Variants in ANGPTL6 observed in about 807,000 individuals in gnomAD.
ANGPTL6 encodes the protein angiopoietin-related protein 6.
Under a neutral mutation model 47.4 loss-of-function variants are expected in ANGPTL6, and 45 were observed. The observed-to-expected ratio is 0.95, with a 90% CI of 0.75 to 1.22. ANGPTL6 has a LOEUF of 1.22. Among genes scored for constraint, ANGPTL6 ranks in the 50% most tolerant of loss-of-function variants. ANGPTL6 has a pLI of 0.00. For synonymous variants in ANGPTL6, 290 were observed against 295.9 expected (o/e 0.98, Z 0.20); for missense variants, 698 against 669.4 (o/e 1.04, Z -0.47).
upstream of ANGPTL6, chr19:10,102,803 G>A: frequency 1.0e-6 from 1 of 979,866 alleles, no homozygotes; most frequent in Non-Finnish European, 1.2e-6. Flanking sequence ...TGAGAAATGA[G>A]ACAGAATTGC....
upstream of ANGPTL6, among the ~76,000 whole-genome samples, chr19:10,103,661 TTAAAA>T (rs1287565680): frequency 1.3e-5 from 2 of 149,788 alleles, no homozygotes; most frequent in African/African-American, 4.9e-5. Context: ...AATTAATTAA[TTAAAA>T]TAAAAAATAA....
chr19:10,097,020 G>A (rs535246975), intron 1 of ANGPTL6, among the ~76,000 whole-genome samples: 4 of 151,712 alleles, frequency 2.6e-5, no homozygotes, highest in Non-Finnish European at 4.4e-5. Flanking sequence ...GATCACTTGA[G>A]CCCAGGAGTT....
Position 10,096,095 on chromosome 19 carries a change from A to T in ANGPTL6, c.469T>A (p.Phe157Ile). 4.7e-6 allele frequency: 7 copies of T among 1,491,728 alleles called. No individual in the cohort carries two copies. The highest frequency in any genetic ancestry group is 6.2e-6 in the Non-Finnish European group (7 of 1,123,132). 92.4% of individuals were successfully genotyped at this position (1,491,728 alleles called of 1,614,324 possible). ...CGGAACTTGACGTCCAGCTGGTGGA[A>T]CCGGGCGGCTGCGCGCTGAGCCTCG... The part of the protein sequence containing the change: ...SAEAQRAAAR[F>I]HQLDVKFREL... The change falls in exon 2 of 6, where the codon TTC (phenylalanine) becomes ATC (isoleucine). Residue 157 changes from phenylalanine (F) to isoleucine (I), a missense_variant. Coordinates refer to ENST00000253109, the MANE Select transcript of ANGPTL6 (RefSeq NM_031917.3).
upstream of ANGPTL6, chr19:10,102,886 A>G (rs2088717766): frequency 1.6e-6 from 1 of 606,950 alleles, no homozygotes. Flanking sequence ...CCTTTCCCCC[A>G]CACCCTCCAC....
At chr19:10,095,304 CG>C (rs1211238975) in intron 2 of ANGPTL6, among the ~76,000 whole-genome samples, 2 of 152,106 alleles carry the variant, frequency 1.3e-5, no homozygotes, top group African/African-American at 4.8e-5. Context: ...GCCAGCTACT[CG>C]GAAGGTTGAG....
chr19:10,104,672 A>C (rs565515850), upstream of ANGPTL6, among the ~76,000 whole-genome samples: 94 of 152,288 alleles, frequency 6.2e-4, no homozygotes, highest in Non-Finnish European at 8.8e-4. Context: ...ATTAAAAAAA[A>C]TTTTTAAAAA....
intron 1 of ANGPTL6, among the ~76,000 whole-genome samples, chr19:10,099,241 C>T (rs535428859): frequency 5.9e-5 from 9 of 152,198 alleles, no homozygotes; most frequent in South Asian, 4.1e-4. Flanking sequence ...TCCTTCTTGG[C>T]TCCCACCTCC....
chr19:10,096,068 C>T lies in ANGPTL6; in HGVS notation c.496G>A (p.Glu166Lys), dbSNP rs1175405900. The T allele has an allele frequency of 6.7e-7, 1 of 1,482,192 alleles. No individual in the cohort carries two copies. Among genetic ancestry groups the T allele is most frequent in the Non-Finnish European group, 9.0e-7 (1 of 1,116,640 alleles). 91.8% of individuals were successfully genotyped at this position (1,482,192 alleles called of 1,614,324 possible). Residue 166 changes from glutamate (E) to lysine (K), a missense_variant, in exon 2 of 6, where the codon GAG becomes AAG. Coordinates refer to ENST00000253109, the MANE Select transcript of ANGPTL6 (RefSeq NM_031917.3). ...TGCTGGGTGACGAGCTGCGCCAGCT[C>T]GCGGAACTTGACGTCCAGCTGGTGG... is the stretch of plus-strand genomic sequence containing the variant. Reference protein sequence around the residue: ...RFHQLDVKFRELAQLVTQQSS... With the variant: ...RFHQLDVKFRKLAQLVTQQSS...
chr19:10,105,281 T>A (rs372356922), upstream of ANGPTL6, among the ~76,000 whole-genome samples: 49 of 152,200 alleles, frequency 3.2e-4, no homozygotes, highest in East Asian at 6.8e-3. Context: ...GGCTTCCCCA[T>A]TGGCAGTAGA....
chr19:10,105,938 C>A (rs2088809056), upstream of ANGPTL6, among the ~76,000 whole-genome samples: 1 of 152,196 alleles, frequency 6.6e-6, no homozygotes, highest in Non-Finnish European at 1.5e-5. Flanking sequence ...AGAGGAGTTG[C>A]GAGACTAAAG....
upstream of ANGPTL6, among the ~76,000 whole-genome samples, chr19:10,104,442 G>A (rs2088768678): frequency 6.6e-6 from 1 of 151,582 alleles, no homozygotes; most frequent in Admixed American, 6.6e-5. Flanking sequence ...GCTTGTTATA[G>A]AATTCAGGCA....
chr19:10,092,693 G>A lies in ANGPTL6; in HGVS notation c.1309C>T (p.His437Tyr). 1.9e-6 allele frequency: 3 copies of A among 1,614,042 alleles called. No homozygotes were observed. The highest frequency in any genetic ancestry group is 2.2e-5 in the East Asian group (1 of 44,874). ...CCATCCTGGTAGCGGCTTCGGTAGT[G>A]GCCGCCGTGGTGCCACACACCGTTG... Reference protein sequence around the residue: ...NLNGVWHHGGHYRSRYQDGVY... With the variant: ...NLNGVWHHGGYYRSRYQDGVY... The change falls in exon 6 of 6, where the codon CAC becomes TAC. Residue 437 changes from histidine (H) to tyrosine (Y), a missense_variant. Coordinates refer to ENST00000253109, the MANE Select transcript of ANGPTL6 (RefSeq NM_031917.3).
At chr19:10,103,605 AAATAAATAAATAAATAAAT>A (rs909731569), upstream of ANGPTL6, among the ~76,000 whole-genome samples, 41 of 33,306 alleles carry the variant, frequency 1.2e-3, no homozygotes, top group African/African-American at 0.015. Flanking sequence ...AAAAATAAAT[AAATAAATAAATAAATAAAT>A]AATAAATAAA....
At chr19:10,092,969 T>A in intron 5 of ANGPTL6, 190 bp from the exon 6 acceptor site, 1 of 525,932 alleles carries the variant, frequency 1.9e-6, no homozygotes, top group Non-Finnish European at 3.3e-6. Flanking sequence ...GTAATAGCCT[T>A]AATTCCTTCC....
At position 10,093,461 on chromosome 19, in the gene ANGPTL6, G is replaced by A. The variant is rs761235613; in HGVS notation, c.1110C>T (p.Ser370=). ...HYDGFSLEPE[S]DHYRLRLGQY... ...GGCCAAGCCGCAGGCGGTAGTGGTC[G>A]CTCTCGGGTTCCAGGGAGAAGCCAT... Residue 370 remains serine, a synonymous_variant, in exon 5 of 6, where the codon AGC becomes AGT. Transcript: ENST00000253109. 1.9e-5 allele frequency: 31 copies of A among 1,614,190 alleles called. No individual in the cohort carries two copies. The highest frequency in any genetic ancestry group is 7.7e-5 in the South Asian group (7 of 91,084).
At position 10,093,352 on chromosome 19, in the gene ANGPTL6, A is replaced by G; in HGVS notation, c.1219T>C (p.Ser407Pro). The change falls in exon 5 of 6, where the codon TCT becomes CCT. Residue 407 changes from serine to proline, a missense_variant. Coordinates refer to ENST00000253109, the MANE Select transcript of ANGPTL6 (RefSeq NM_031917.3). ...CCAGAATAGGAGTTCTCCTTACCAG[A>G]ATAGGAGTCTCGGTCCCTATCCACG... Reference protein sequence around the residue: ...STVDRDRDSYSGNCALYQRGG... With the variant: ...STVDRDRDSYPGNCALYQRGG... 4 of 1,612,720 alleles carry G rather than the reference A, an allele frequency of 2.5e-6. No individual in the cohort carries two copies. The highest frequency in any genetic ancestry group is 3.4e-6 in the Non-Finnish European group (4 of 1,178,888).
chr19:10,104,317 G>GGTGTGTGTGTGTGTGTGT (rs1555757453), upstream of ANGPTL6, among the ~76,000 whole-genome samples: 1 of 117,966 alleles, frequency 8.5e-6, no homozygotes, highest in Non-Finnish European at 1.8e-5. Context: ...TTGTGTGTGT[G>GGTGTGTGTGTGTGTGTGT]GTGTGTGTGT....
intron 1 of ANGPTL6, among the ~76,000 whole-genome samples, chr19:10,101,387 T>C (rs538626146): frequency 6.6e-6 from 1 of 151,380 alleles, no homozygotes; most frequent in Non-Finnish European, 1.5e-5. Flanking sequence ...CTACTAAATA[T>C]AAAAATAAAA....
At position 10,092,430 on chromosome 19, in the gene ANGPTL6, G is replaced by A. The variant is rs2088410829; in HGVS notation, c.*159C>T. On this transcript the variant is annotated 3_prime_UTR_variant, in exon 6 of 6. Coordinates refer to ENST00000253109, the MANE Select transcript of ANGPTL6 (RefSeq NM_031917.3). ...CTGAGGCCAAGATATTGACGGGGGG[G>A]ATTCCTGGGTCCCATTTTCAGCGCC... The A allele has an allele frequency of 1.2e-5, 18 of 1,517,110 alleles. No individual in the cohort carries two copies. Among genetic ancestry groups the A allele is most frequent in the Admixed American group, 4.7e-5 (2 of 42,280 alleles). The allele number at this position is 1,517,110 out of a possible 1,614,324, so 94.0% of individuals were successfully genotyped here.
Sources: allele counts gnomAD v4.1 joint callset (sites outside exome capture counted in the v4.1 genomes callset), GRCh38; gene constraint gnomAD v4.1.1; transcripts MANE v1.5; gene names NCBI Gene and HGNC (gene_info 2026-07-23, HGNC 2026-07-21).